The following ESR1 variants were observed in gnomAD, a reference collection of about 807,000 sequenced individuals.
The protein encoded by ESR1 is estrogen receptor.
Under a neutral mutation model 52.7 loss-of-function variants are expected in ESR1, and 12 were observed. The observed-to-expected ratio is 0.23, with a 90% CI of 0.15 to 0.37. The LOEUF (loss-of-function observed/expected upper bound fraction) is 0.37, where lower values mean the gene tolerates loss of function less well. Ranked by LOEUF, ESR1 falls within the 10% of genes least tolerant of loss-of-function variation. The probability of loss-of-function intolerance (pLI) is 1.00; values close to 1 mark genes in which losing one functional copy is unlikely to be tolerated. For missense variants in ESR1, 584 were observed against 779.7 expected, an observed-to-expected ratio of 0.75 and a Z score of 2.99; for synonymous variants, 305 against 316.8, an observed-to-expected ratio of 0.96 and a Z score of 0.39.
intron 6 of ESR1, among the ~76,000 whole-genome samples, chr6:152,074,106 T>A (rs942556125): frequency 9.9e-5 from 15 of 152,154 alleles, no homozygotes; most frequent in African/African-American, 3.4e-4. Context: ...CTGATGAATC[T>A]ACATCGACAC....
At chr6:152,058,775 G>A (rs117790827) in intron 5 of ESR1, among the ~76,000 whole-genome samples, 2,096 of 152,216 alleles carry the variant, frequency 0.014, 24 homozygotes, top group Non-Finnish European at 0.019. Flanking sequence ...GTATGTAATA[G>A]GCTCTCAGTA....
intron 2 of ESR1, among the ~76,000 whole-genome samples, chr6:151,876,497 A>G (rs1009243015): frequency 1.3e-5 from 2 of 152,202 alleles, no homozygotes; most frequent in Non-Finnish European, 2.9e-5. Flanking sequence ...GAATCTCTGC[A>G]TATGTACGGG....
intron 4 of ESR1, among the ~76,000 whole-genome samples, chr6:151,964,857 T>C (rs1392933401): frequency 6.6e-6 from 1 of 152,148 alleles, no homozygotes; most frequent in East Asian, 1.9e-4. Context: ...TTAGCCAGGA[T>C]GGTCTCGATC....
At chr6:151,906,635 A>G (rs1460041941) in intron 3 of ESR1, among the ~76,000 whole-genome samples, 2 of 150,522 alleles carry the variant, frequency 1.3e-5, no homozygotes, top group Non-Finnish European at 3.0e-5. Flanking sequence ...CTTCTTACTA[A>G]TCTTTTACAG....
intron 6 of ESR1, among the ~76,000 whole-genome samples, chr6:152,074,821 C>T (rs539068386): frequency 5.3e-5 from 8 of 152,200 alleles, no homozygotes; most frequent in Admixed American, 1.3e-4. Context: ...TGTTTTAATT[C>T]GCATTTTTTG....
intron 2 of ESR1, among the ~76,000 whole-genome samples, chr6:151,715,298 T>A (rs935641614): frequency 6.6e-6 from 1 of 152,220 alleles, no homozygotes; most frequent in Non-Finnish European, 1.5e-5. Context: ...CCTTGGTGAA[T>A]CTGACAATTA....
chr6:152,113,894 T>C (rs1436920732), intron 6 of ESR1, among the ~76,000 whole-genome samples: 2 of 152,164 alleles, frequency 1.3e-5, no homozygotes, highest in Non-Finnish European at 1.5e-5. Flanking sequence ...TTGCTCAGGT[T>C]ATACAGCTAG....
chr6:151,929,310 A>G (rs547140449), intron 3 of ESR1, among the ~76,000 whole-genome samples: 3 of 152,256 alleles, frequency 2.0e-5, no homozygotes, highest in Non-Finnish European at 4.4e-5. Flanking sequence ...TGACCCCTTT[A>G]TCATCATCTT....
chr6:151,993,268 C>A (rs1250643276), intron 4 of ESR1, among the ~76,000 whole-genome samples: 2 of 152,194 alleles, frequency 1.3e-5, no homozygotes, highest in East Asian at 3.9e-4. Context: ...GATAATAAAA[C>A]CATATTCAGC....
intron 3 of ESR1, among the ~76,000 whole-genome samples, chr6:151,921,116 G>T (rs2031569490): frequency 6.6e-6 from 1 of 152,034 alleles, no homozygotes; most frequent in African/African-American, 2.4e-5. Flanking sequence ...CCCAGTGTGT[G>T]TTGTTCCCCT....
chr6:151,906,916 A>G (rs963584245), intron 3 of ESR1, among the ~76,000 whole-genome samples: 1 of 151,730 alleles, frequency 6.6e-6, no homozygotes, highest in Non-Finnish European at 1.5e-5. Context: ...TTTCACCTGA[A>G]AGAGAATTTT....
chr6:151,658,975 C>T (rs1042423410), intron 1 of ESR1, among the ~76,000 whole-genome samples: 2 of 152,186 alleles, frequency 1.3e-5, no homozygotes, highest in African/African-American at 2.4e-5. Context: ...AAGAAGGAAG[C>T]TCGGGGAGCC....
chr6:151,898,955 C>A (rs1000891204), intron 3 of ESR1, among the ~76,000 whole-genome samples: 1 of 152,064 alleles, frequency 6.6e-6, no homozygotes, highest in Non-Finnish European at 1.5e-5. Context: ...AGAGCGGCTC[C>A]TCACTTCCCA....
At chr6:151,923,819 A>G (rs938824845) in intron 3 of ESR1, among the ~76,000 whole-genome samples, 23 of 152,158 alleles carry the variant, frequency 1.5e-4, no homozygotes, top group African/African-American at 5.3e-4. Context: ...TAGTTGGGTA[A>G]ATATCTAGGA....
At chr6:151,830,916 A>C (rs924517348) in intron 1 of ESR1, among the ~76,000 whole-genome samples, 1 of 152,138 alleles carries the variant, frequency 6.6e-6, no homozygotes, top group Non-Finnish European at 1.5e-5. Flanking sequence ...TTAATGATGC[A>C]TCATTTTCTA....
intron 2 of ESR1, among the ~76,000 whole-genome samples, chr6:151,755,640 CTTTTT>C (rs372816195): frequency 6.9e-6 from 1 of 145,750 alleles, no homozygotes; most frequent in Non-Finnish European, 1.5e-5. Context: ...TTTTTCTTTT[CTTTTT>C]TTTTTTACAG....
At chr6:151,988,836 C>CT (rs1056697467) in intron 4 of ESR1, among the ~76,000 whole-genome samples, 5 of 151,836 alleles carry the variant, frequency 3.3e-5, no homozygotes, top group Admixed American at 6.6e-5. Context: ...AAAAAAATAT[C>CT]TTTTTTCTTT....
intron 2 of ESR1, among the ~76,000 whole-genome samples, chr6:151,794,783 G>T (rs1053116728): frequency 3.9e-5 from 6 of 152,078 alleles, no homozygotes; most frequent in Non-Finnish European, 4.4e-5. Context: ...CCACACCTAA[G>T]GTGCCAACAT....
rs1297218459 is a variant in ESR1 at position 152,101,747 on chromosome 6, G to A, written c.*2781G>A. The stretch of plus-strand genomic sequence containing the variant: ...GGGGCTCAGGTATGGTGGGGAAGTG[G>A]ATTCAGGAATCTGGGGAATGGCAAA... On this transcript the variant is annotated 3_prime_UTR_variant, in exon 8 of 8. Transcript: ENST00000206249. The A allele has an allele frequency of 4.3e-6, 1 of 230,612 alleles. No homozygotes were observed. The highest frequency in any genetic ancestry group is 1.8e-4 in the South Asian group (1 of 5,504). The allele number at this position is 230,612 out of a possible 1,614,324, so 14.3% of individuals were successfully genotyped here. A position where few individuals can be genotyped will look rare whatever the true frequency, so the allele number is the denominator to read the frequency against.
Sources: gnomAD v4.1 joint callset for allele counts (sites outside exome capture counted in the v4.1 genomes callset) on GRCh38, gnomAD v4.1.1 for gene constraint, MANE v1.5 for transcripts, NCBI Gene and HGNC (gene_info 2026-07-23, HGNC 2026-07-21) for gene names.